ACOXL: variants seen among roughly 807,000 people sequenced by gnomAD.
ACOXL encodes acyl-CoA oxidase like.
A neutral mutation model predicts 71.9 loss-of-function variants in ACOXL; 70 were observed. That is an observed-to-expected ratio of 0.97 (90% CI 0.80 to 1.19). The LOEUF (loss-of-function observed/expected upper bound fraction) is 1.19. Among genes scored for constraint, ACOXL ranks in the 50% most tolerant of loss-of-function variants. The pLI is 0.00. For missense variants in ACOXL, 703 were observed against 736.3 expected, an observed-to-expected ratio of 0.95 and a Z score of 0.52; for synonymous variants, 253 against 281.6, an observed-to-expected ratio of 0.90 and a Z score of 1.02.
At chr2:110,739,700 C>T (rs1195592335) in intron 1 of ACOXL, among the ~76,000 whole-genome samples, 1 of 152,212 alleles carries the variant, frequency 6.6e-6, no homozygotes, top group African/African-American at 2.4e-5. Context: ...CTTGAGGATG[C>T]AGCTGCTTTC....
chr2:110,920,287 TA>T (rs1321989846), intron 11 of ACOXL, among the ~76,000 whole-genome samples: 2 of 152,228 alleles, frequency 1.3e-5, no homozygotes, highest in Non-Finnish European at 2.9e-5. Context: ...TAGTTGTCTC[TA>T]ATAGTTTGTA....
intron 16 of ACOXL, among the ~76,000 whole-genome samples, chr2:111,065,552 A>G (rs2067026709): frequency 6.6e-6 from 1 of 152,232 alleles, no homozygotes; most frequent in Non-Finnish European, 1.5e-5. Flanking sequence ...TTGTTCTGTG[A>G]AAGACTATGT....
At chr2:110,980,486 C>G (rs912303664) in intron 12 of ACOXL, among the ~76,000 whole-genome samples, 1 of 152,162 alleles carries the variant, frequency 6.6e-6, no homozygotes, top group East Asian at 1.9e-4. Flanking sequence ...GCTCCCTGTT[C>G]CTGTCTATTG....
At chr2:110,835,316 T>C (rs985353993) in intron 9 of ACOXL, among the ~76,000 whole-genome samples, 1 of 152,170 alleles carries the variant, frequency 6.6e-6, no homozygotes, top group Non-Finnish European at 1.5e-5. Context: ...CATCATAAAG[T>C]AAGCTCCATA....
At chr2:111,029,843 C>G (rs887845182) in intron 14 of ACOXL, among the ~76,000 whole-genome samples, 2 of 152,178 alleles carry the variant, frequency 1.3e-5, no homozygotes, top group Non-Finnish European at 2.9e-5. Context: ...TTCCTCTTCA[C>G]TTGAACTTGT....
intron 10 of ACOXL, among the ~76,000 whole-genome samples, chr2:110,876,099 G>A (rs540956607): frequency 3.9e-5 from 6 of 152,316 alleles, no homozygotes; most frequent in Non-Finnish European, 7.4e-5. Flanking sequence ...CTTTATAAAT[G>A]TCCCTCTCAA....
At chr2:110,951,186 A>T (rs901131946) in intron 12 of ACOXL, among the ~76,000 whole-genome samples, 1 of 152,326 alleles carries the variant, frequency 6.6e-6, no homozygotes, top group Non-Finnish European at 1.5e-5. Flanking sequence ...GTTCCCAAAA[A>T]ATAGCAGCTG....
chr2:110,854,484 T>C (rs1370389897), intron 10 of ACOXL, among the ~76,000 whole-genome samples: 1 of 149,796 alleles, frequency 6.7e-6, no homozygotes, highest in Non-Finnish European at 1.5e-5. Context: ...TCCCTAGGGC[T>C]CAGAGCCTTG....
chr2:110,855,006 G>T (rs1693063759), intron 10 of ACOXL, among the ~76,000 whole-genome samples: 2 of 152,224 alleles, frequency 1.3e-5, no homozygotes, highest in African/African-American at 4.8e-5. Flanking sequence ...TGTCTTGTTT[G>T]AAAGGAAACC....
chr2:110,882,988 C>T (rs1340428055), intron 10 of ACOXL, among the ~76,000 whole-genome samples: 1 of 152,122 alleles, frequency 6.6e-6, no homozygotes, highest in East Asian at 1.9e-4. Flanking sequence ...CTGGGTAGAC[C>T]CCCACTGATG....
chr2:110,881,395 G>A (rs1026441473), intron 10 of ACOXL, among the ~76,000 whole-genome samples: 3 of 151,788 alleles, frequency 2.0e-5, no homozygotes, highest in South Asian at 4.1e-4. Context: ...ATCATAAATT[G>A]CTTTCCAAAA....
chr2:111,067,854 T>C (rs1200237076), intron 16 of ACOXL, among the ~76,000 whole-genome samples: 1 of 152,180 alleles, frequency 6.6e-6, no homozygotes, highest in East Asian at 1.9e-4. Flanking sequence ...TGGCCCTGCT[T>C]TCAGGGAGCT....
Position 110,732,681 on chromosome 2 carries a change from G to T in ACOXL, c.-116G>T, listed in dbSNP as rs1038478110. 1 of 152,588 alleles carries T rather than the reference G, an allele frequency of 6.6e-6. No individual in the cohort carries two copies. The highest frequency in any genetic ancestry group is 1.5e-5 in the Non-Finnish European group (1 of 68,210). The allele number at this position is 152,588 out of a possible 1,614,324, so 9.5% of individuals were successfully genotyped here. ...GCCGGCGCCGGGTCTGGGGCTCGGG[G>T]ACTCCTCCCTGCACCGCTACCTGGA... On this transcript the variant is annotated 5_prime_UTR_variant, in exon 1 of 18. Coordinates refer to ENST00000439055, the MANE Select transcript of ACOXL (RefSeq NM_001142807.4).
intron 1 of ACOXL, among the ~76,000 whole-genome samples, chr2:110,740,452 C>T (rs1054719323): frequency 1.3e-5 from 2 of 152,176 alleles, no homozygotes; most frequent in African/African-American, 4.8e-5. Context: ...CATGACTGAC[C>T]TATGACACTG....
intron 16 of ACOXL, among the ~76,000 whole-genome samples, chr2:111,083,825 T>G (rs2068057935): frequency 6.6e-6 from 1 of 152,146 alleles, no homozygotes; most frequent in Non-Finnish European, 1.5e-5. Flanking sequence ...TGTTAGCTCT[T>G]TCCTGCACAG....
At chr2:110,996,325 A>G (rs2063395907) in intron 14 of ACOXL, among the ~76,000 whole-genome samples, 1 of 152,220 alleles carries the variant, frequency 6.6e-6, no homozygotes, top group African/African-American at 2.4e-5. Flanking sequence ...TAAAGAGTAC[A>G]TCGTTCTCTA....
At chr2:110,794,311 C>A in intron 5 of ACOXL, 137 bp downstream of exon 5, 1 of 788,146 alleles carries the variant, frequency 1.3e-6, no homozygotes, top group Non-Finnish European at 2.0e-6. Flanking sequence ...AGATCAAATG[C>A]CTAAGTGTTT....
chr2:111,022,280 G>A (rs1030952187), intron 14 of ACOXL, among the ~76,000 whole-genome samples: 11 of 152,202 alleles, frequency 7.2e-5, no homozygotes, highest in Admixed American at 5.2e-4. Flanking sequence ...CTGGAGAATC[G>A]CTTGAAACCA....
At chr2:110,963,931 A>G (rs773246925) in intron 12 of ACOXL, among the ~76,000 whole-genome samples, 1 of 152,164 alleles carries the variant, frequency 6.6e-6, no homozygotes, top group Non-Finnish European at 1.5e-5. Context: ...CCACTTATAC[A>G]TAGTGAGTCA....
Sources: gnomAD v4.1 joint callset for allele counts (sites outside exome capture counted in the v4.1 genomes callset) on GRCh38, gnomAD v4.1.1 for gene constraint, MANE v1.5 for transcripts, NCBI Gene and HGNC (gene_info 2026-07-23, HGNC 2026-07-21) for gene names.